MUC5AC: variants seen among roughly 807,000 people sequenced by gnomAD.
MUC5AC encodes mucin-5AC.
In MUC5AC, 158 loss-of-function variants were observed where a neutral mutation model predicts 169.7. That is an observed-to-expected ratio of 0.93 (90% confidence interval 0.82 to 1.06). The LOEUF (loss-of-function observed/expected upper bound fraction) is 1.06, where lower values mean the gene tolerates loss of function less well. Among genes scored for constraint, MUC5AC ranks in the 50% least tolerant of loss-of-function variants. The pLI is 0.00. For missense variants in MUC5AC, 4,359 were observed against 3,089.9 expected, an observed-to-expected ratio of 1.41 and a Z score of -9.74; for synonymous variants, 1,975 against 1,237.0, an observed-to-expected ratio of 1.60 and a Z score of -12.52.
rs1861163750 is a variant in MUC5AC, at chr11:1,192,994, C to T, written c.14580+12C>T. 1.5e-6 allele frequency: 1 copy of T among 683,778 alleles called. No homozygotes were observed. Among genetic ancestry groups the T allele is most frequent in the South Asian group, 1.5e-5 (1 of 65,376 alleles). The allele number at this position is 683,778 out of a possible 1,614,324, so 42.4% of individuals were successfully genotyped here. ...TTCCCCCCAGAAAGGTAACCCCCTA[C>T]TTCTCACCCTTCTGAAGGCTCAGGG... On this transcript the variant is annotated intron_variant, in intron 32 of 48. Transcript: ENST00000621226.
chr11:1,187,100 C>G lies in MUC5AC; in HGVS notation c.8955C>G (p.Thr2985=), dbSNP rs1860970986. The change falls in exon 31 of 49, where the codon ACC becomes ACG. Residue 2985 remains threonine, a synonymous_variant. Coordinates refer to ENST00000621226, the MANE Select transcript of MUC5AC (RefSeq NM_001304359.2). ...GPGTTPSPVP[T]TSTTSAPTTS... ...GAACTACTCCCAGCCCTGTTCCCAC[C>G]ACCAGCACAACCTCTGCTCCCACAA... The G allele has an allele frequency of 1.4e-6, 1 of 733,426 alleles. No homozygotes were observed. Among genetic ancestry groups the G allele is most frequent in the South Asian group, 1.4e-5 (1 of 70,632 alleles). 45.4% of individuals were successfully genotyped at this position (733,426 alleles called of 1,614,324 possible). A position where few individuals can be genotyped will look rare whatever the true frequency, so the allele number is the denominator to read the frequency against.
rs1209787044 is a variant in MUC5AC, at chr11:1,192,173, C to T, written c.14028C>T (p.Cys4676=). 1.4e-5 allele frequency: 11 copies of T among 764,970 alleles called. No homozygotes were observed. In the African/African-American group the frequency reaches 1.9e-4, roughly 13 times the overall value. 47.4% of individuals were successfully genotyped at this position (764,970 alleles called of 1,614,324 possible). ...RRPEEITRLQ[C]RAESHPEVNI... ...CTGAGGAGATCACCAGGCTCCAGTG[C>T]CGAGCCGAGAGCCACCCGGAGGTGA... The change falls in exon 31 of 49, where the codon TGC becomes TGT. Residue 4676 remains cysteine, a synonymous_variant. Transcript: ENST00000621226.
In MUC5AC at chr11:1,195,958, C is replaced by G; in HGVS notation, c.15541C>G (p.Leu5181Val). ...CTTTGACCGGTGCCACATGACGGAC[C>G]TGGATGTGGTGTGCTCCAGCCTGGA... Reference protein sequence around the residue: ...CVFDRCHMTDLDVVCSSLELY... With the variant: ...CVFDRCHMTDVDVVCSSLELY... Residue 5181 changes from leucine (L) to valine (V), a missense_variant, in exon 37 of 49, where the codon CTG becomes GTG. Leu to Val is a conservative substitution (Grantham distance 32). Transcript: ENST00000621226. 3.9e-6 allele frequency: 3 copies of G among 765,036 alleles called. No homozygotes were observed. The South Asian group carries it at 4.0e-5, about 10-fold the overall frequency. 47.4% of individuals were successfully genotyped at this position (765,036 alleles called of 1,614,324 possible). A position where few individuals can be genotyped will look rare whatever the true frequency, so the allele number is the denominator to read the frequency against.
intron 6 of MUC5AC, 39 bp downstream of exon 6, chr11:1,163,084 C>T (rs747021031): frequency 5.1e-6 from 8 of 1,563,942 alleles, no homozygotes; most frequent in South Asian, 3.3e-5. Context: ...TCCTCAGTGT[C>T]CCCTGGGGGC....
rs1564921508 is a variant in MUC5AC at position 1,198,995 on chromosome 11, T to G, written c.16295T>G (p.Val5432Gly). The G allele has an allele frequency of 1.3e-6, 1 of 764,152 alleles. No individual in the cohort carries two copies. Among genetic ancestry groups the G allele is most frequent in the East Asian group, 2.4e-5 (1 of 41,194 alleles). 47.3% of individuals were successfully genotyped at this position (764,152 alleles called of 1,614,324 possible). ...ETQICNTHCP[V>G]GFEYQEQSGQ... ...CAGATCTGCAACACACACTGCCCTG[T>G]GGTGAGCGCTCCCACCCTGCCCCGA... is the stretch of plus-strand genomic sequence containing the variant. Residue 5432 changes from valine to glycine, a missense_variant and splice_region_variant, in exon 44 of 49, where the codon GTG (valine) becomes GGG (glycine). Coordinates refer to ENST00000621226, the MANE Select transcript of MUC5AC (RefSeq NM_001304359.2).
chr11:1,178,385 G>T (rs1406617965), intron 24 of MUC5AC, 59 bp from the exon 25 acceptor site: 23 of 432,928 alleles, frequency 5.3e-5, no homozygotes, highest in Admixed American at 4.8e-4. Context: ...TAGGGGCAGG[G>T]TGGCTCTGGC....
At position 1,168,540 on chromosome 11, in the gene MUC5AC, C is replaced by G; in HGVS notation, c.1555C>G (p.Pro519Ala). 6.2e-7 allele frequency: 1 copy of G among 1,612,586 alleles called. No homozygotes were observed. Among genetic ancestry groups the G allele is most frequent in the Non-Finnish European group, 8.5e-7 (1 of 1,179,802 alleles). ...VFLNQIYTQL[P>A]ISAANVTIFR... ...CCTGAACCAGATCTACACCCAGCTGCCCATCTCTGCAGGTGAGGGCAGTGG... is the reference window on the plus strand; with the variant it reads ...CCTGAACCAGATCTACACCCAGCTGGCCATCTCTGCAGGTGAGGGCAGTGG... Residue 519 changes from proline (P) to alanine (A), a missense_variant, in exon 13 of 49, where the codon CCC becomes GCC. Transcript: ENST00000621226.
At chr11:1,193,428 A>G (rs976091218) in intron 32 of MUC5AC, 57 bp from the exon 33 acceptor site, 68 of 672,042 alleles carry the variant, frequency 1.0e-4, no homozygotes, top group Non-Finnish European at 1.6e-4. Context: ...CCGAGAACCA[A>G]GGGGTGCCCC....
rs1209011055 is a variant in MUC5AC, at chr11:1,180,095, G to A, written c.3558G>A (p.Leu1186=). 2.5e-6 allele frequency: 1 copy of A among 399,108 alleles called. No individual in the cohort carries two copies. Among genetic ancestry groups the A allele is most frequent in the Non-Finnish European group, 4.4e-6 (1 of 226,208 alleles). 24.7% of individuals were successfully genotyped at this position (399,108 alleles called of 1,614,324 possible). Reference sequence around the variant, plus strand: ...ACCAGCCCTGCGGGGTGCCCTGCCTGCGCACCTGCCGGAACCCCCGTGGAG... The same window carrying A: ...ACCAGCCCTGCGGGGTGCCCTGCCTACGCACCTGCCGGAACCCCCGTGGAG... ...WHYQPCGVPC[L]RTCRNPRGDC... Residue 1186 remains leucine, a synonymous_variant, in exon 27 of 49, where the codon CTG becomes CTA. Coordinates refer to ENST00000621226, the MANE Select transcript of MUC5AC (RefSeq NM_001304359.2).
chr11:1,196,397 G>T lies in MUC5AC; in HGVS notation c.15647G>T (p.Cys5216Phe). Residue 5216 changes from cysteine (C) to phenylalanine (F), a missense_variant, in exon 38 of 49, where the codon TGC becomes TTC. By Grantham distance (205) the Cys-to-Phe change is radical. Transcript: ENST00000621226. The part of the protein sequence containing the change: ...GRTGHMCPFT[C>F]PADKVYQPCG... ...CTTCCCCTCCCCACAGCATTCACCTGCCCAGCCGACAAGGTGTACCAGCCC... is the reference window on the plus strand; with the variant it reads ...CTTCCCCTCCCCACAGCATTCACCTTCCCAGCCGACAAGGTGTACCAGCCC... 1.3e-6 allele frequency: 1 copy of T among 764,884 alleles called. No homozygotes were observed. Among genetic ancestry groups the T allele is most frequent in the Non-Finnish European group, 2.4e-6 (1 of 417,770 alleles). 47.4% of individuals were successfully genotyped at this position (764,884 alleles called of 1,614,324 possible).
intron 1 of MUC5AC, among the ~76,000 whole-genome samples, chr11:1,159,204 A>AG (rs1302371905): frequency 1.3e-5 from 2 of 152,082 alleles, no homozygotes; most frequent in African/African-American, 4.8e-5. Flanking sequence ...TGTGAGGGCG[A>AG]GGGGGGTCTC....
Position 1,168,467 on chromosome 11 carries a change from G to A in MUC5AC, c.1498-16G>A. The A allele has an allele frequency of 6.2e-7, 1 of 1,611,644 alleles. No individual in the cohort carries two copies. Among genetic ancestry groups the A allele is most frequent in the Non-Finnish European group, 8.5e-7 (1 of 1,179,378 alleles). On this transcript the variant is annotated splice_polypyrimidine_tract_variant and intron_variant, in intron 12 of 48. Coordinates refer to ENST00000621226, the MANE Select transcript of MUC5AC (RefSeq NM_001304359.2). ...AAGCCTGCCCCGCGCTCACACATCT[G>A]TCTGGCTGCCCTCAGGTGGTGGTGA...
Position 1,168,506 on chromosome 11 carries a change from G to A in MUC5AC, c.1521G>A (p.Gly507=). 6.5e-7 allele frequency: 1 copy of A among 1,536,438 alleles called. No homozygotes were observed. The highest frequency in any genetic ancestry group is 8.8e-7 in the Non-Finnish European group (1 of 1,140,542). ...AQTVVVIKAS[G]EVFLNQIYTQ... The stretch of plus-strand genomic sequence containing the variant: ...AGGTGGTGGTGATCAAGGCCAGTGG[G>A]GAAGTGTTCCTGAACCAGATCTACA... The change falls in exon 13 of 49, where the codon GGG becomes GGA. Residue 507 remains glycine (G), a synonymous_variant. Transcript: ENST00000621226.
rs573053081 is a variant in MUC5AC, at chr11:1,164,203, G to C, written c.887G>C (p.Cys296Ser). 4.4e-5 allele frequency: 71 copies of C among 1,612,604 alleles called. No homozygotes were observed. The South Asian group carries it at 6.9e-4, about 16-fold the overall frequency. Residue 296 changes from cysteine (C) to serine (S), a missense_variant, in exon 8 of 49, where the codon TGC becomes TCC. Cys to Ser is a moderately radical substitution (Grantham distance 112). Coordinates refer to ENST00000621226, the MANE Select transcript of MUC5AC (RefSeq NM_001304359.2). Reference protein sequence around the residue: ...SYLEACRQDLCFCEDTDLLSC... With the variant: ...SYLEACRQDLSFCEDTDLLSC... ...CTGGAGGCTTGCAGGCAAGACCTCT[G>C]CTTCTGTGAAGACACCGACCTGCTC...
rs1860755424 is a variant in MUC5AC, at chr11:1,179,248, C to G, written c.3484C>G (p.Pro1162Ala). 3.5e-6 allele frequency: 2 copies of G among 576,602 alleles called. No individual in the cohort carries two copies. Among genetic ancestry groups the G allele is most frequent in the Non-Finnish European group, 3.1e-6 (1 of 317,962 alleles). 35.7% of individuals were successfully genotyped at this position (576,602 alleles called of 1,614,324 possible). A position where few individuals can be genotyped will look rare whatever the true frequency, so the allele number is the denominator to read the frequency against. ...GTCCTGGCGGACCCCGAGCATCTGC[C>G]GTGAGTGCGAGTGGGCACCTGGGGA... The part of the protein sequence containing the change: ...CVSWRTPSIC[P>A]LFCDYYNPEG... The change falls in exon 26 of 49, where the codon CCT (proline) becomes GCT (alanine). Residue 1162 changes from proline (P) to alanine (A), a missense_variant and splice_region_variant. Pro to Ala is a conservative substitution (Grantham distance 27, BLOSUM62 -1). Coordinates refer to ENST00000621226, the MANE Select transcript of MUC5AC (RefSeq NM_001304359.2).
At position 1,162,138 on chromosome 11, in the gene MUC5AC, C is replaced by G; in HGVS notation, c.443C>G (p.Thr148Ser). Residue 148 changes from threonine to serine, a missense_variant, in exon 4 of 49, where the codon ACC becomes AGC. Coordinates refer to ENST00000621226, the MANE Select transcript of MUC5AC (RefSeq NM_001304359.2). ...MKVDGVVIQL[T>S]KGSVLVNGHP... ...GTGGATGGCGTGGTCATCCAGCTGA[C>G]CAAGGGCTCCGTCCTGGTCAACGGC... 6.2e-7 allele frequency: 1 copy of G among 1,612,558 alleles called. No homozygotes were observed. The highest frequency in any genetic ancestry group is 1.1e-5 in the South Asian group (1 of 91,070).
intron 6 of MUC5AC, 70 bp downstream of exon 6, chr11:1,163,115 A>C: frequency 7.2e-7 from 1 of 1,389,874 alleles, no homozygotes; most frequent in Non-Finnish European, 1.0e-6. Context: ...GTGCACACAC[A>C]CCCTCTGACA....
intron 11 of MUC5AC, 87 bp downstream of exon 11, chr11:1,165,847 A>C: frequency 6.4e-7 from 1 of 1,567,568 alleles, no homozygotes; most frequent in East Asian, 2.2e-5. Context: ...GCTGCATGTC[A>C]CTGCTGCCCC....
rs188758411 is a variant in MUC5AC at position 1,194,466 on chromosome 11, T to C, written c.15007-21T>C. Reference sequence around the variant, plus strand: ...CGCCCGCCTGCCTTCTGACTTCCCGTCGACCACGCCCTGCGTCCAGATCAT... The same window carrying C: ...CGCCCGCCTGCCTTCTGACTTCCCGCCGACCACGCCCTGCGTCCAGATCAT... On this transcript the variant is annotated intron_variant, in intron 34 of 48. Transcript: ENST00000621226. 7.5e-4 allele frequency: 555 copies of C among 739,070 alleles called. 3 individuals are homozygous for C. The African/African-American group carries it at 8.1e-3, about 11-fold the overall frequency. The allele number at this position is 739,070 out of a possible 1,614,324, so 45.8% of individuals were successfully genotyped here. A position where few individuals can be genotyped will look rare whatever the true frequency, so the allele number is the denominator to read the frequency against.
Sources: gnomAD v4.1 joint callset for allele counts (sites outside exome capture counted in the v4.1 genomes callset) on GRCh38, gnomAD v4.1.1 for gene constraint, MANE v1.5 for transcripts, NCBI Gene and HGNC (gene_info 2026-07-23, HGNC 2026-07-21) for gene names.